NRXN3: variants seen among roughly 807,000 people sequenced by gnomAD.
The protein encoded by NRXN3 is neurexin III.
A neutral mutation model predicts 137.6 loss-of-function variants in NRXN3; 32 were observed. The observed-to-expected ratio is 0.23, with a 90% CI of 0.18 to 0.31. NRXN3 has a LOEUF of 0.31. NRXN3 is among the 10% of genes least tolerant of loss of function. The pLI, the probability that NRXN3 is intolerant of heterozygous loss-of-function variation, is 1.00. For missense variants in NRXN3, 1,574 were observed against 2,062.5 expected (o/e 0.76, Z 4.59); for synonymous variants, 798 against 784.5 (o/e 1.02, Z -0.29).
At chr14:78,338,018 G>A (rs1489105686) in intron 4 of NRXN3, among the ~76,000 whole-genome samples, 1 of 152,084 alleles carries the variant, frequency 6.6e-6, no homozygotes, top group East Asian at 1.9e-4. Context: ...TGGAGAATGG[G>A]GTGTGAGTAT....
intron 2 of NRXN3, among the ~76,000 whole-genome samples, chr14:78,272,105 A>G (rs2072861522): frequency 6.6e-6 from 1 of 151,786 alleles, no homozygotes; most frequent in African/African-American, 2.4e-5. Flanking sequence ...TTTTTCTTCT[A>G]ATGTTATGGC....
chr14:79,570,299 A>G (rs1296564183), intron 16 of NRXN3, among the ~76,000 whole-genome samples: 4 of 152,124 alleles, frequency 2.6e-5, no homozygotes, highest in Non-Finnish European at 4.4e-5. Context: ...GCTGCCTTCT[A>G]TGCTCCCCAA....
chr14:78,726,959 T>TAAAGA (rs2098486854), intron 8 of NRXN3, among the ~76,000 whole-genome samples: 1 of 121,006 alleles, frequency 8.3e-6, no homozygotes, highest in Non-Finnish European at 1.7e-5. Context: ...ATTTATTCAC[T>TAAAGA]AAAAAAAAAA....
At chr14:78,953,026 G>T (rs981176359) in intron 10 of NRXN3, among the ~76,000 whole-genome samples, 1 of 152,096 alleles carries the variant, frequency 6.6e-6, no homozygotes, top group Non-Finnish European at 1.5e-5. Context: ...GTATGTCAGG[G>T]GTAACTTGTA....
chr14:78,197,160 A>G (rs1201171944), intron 1 of NRXN3, among the ~76,000 whole-genome samples: 1 of 152,208 alleles, frequency 6.6e-6, no homozygotes, highest in Non-Finnish European at 1.5e-5. Context: ...TGTGAATACC[A>G]ACGCCAGCAT....
chr14:78,327,009 G>C (rs2080189918), intron 4 of NRXN3, among the ~76,000 whole-genome samples: 1 of 151,834 alleles, frequency 6.6e-6, no homozygotes, highest in Non-Finnish European at 1.5e-5. Context: ...TGTTATGGTT[G>C]TGAGGATTAA....
chr14:79,733,925 A>G (rs950253565), intron 19 of NRXN3, among the ~76,000 whole-genome samples: 1 of 152,162 alleles, frequency 6.6e-6, no homozygotes, highest in Admixed American at 6.5e-5. Flanking sequence ...GCTGGTCCCA[A>G]TGTTGATACA....
chr14:78,325,988 T>G (rs991036645), intron 4 of NRXN3, among the ~76,000 whole-genome samples: 2 of 152,216 alleles, frequency 1.3e-5, no homozygotes, highest in Non-Finnish European at 1.5e-5. Context: ...CTTTTAGCAC[T>G]GAAAGCCCCG....
intron 15 of NRXN3, among the ~76,000 whole-genome samples, chr14:79,216,570 T>C (rs77117371): frequency 0.016 from 2,448 of 152,308 alleles, 61 homozygotes; most frequent in African/African-American, 0.056. Flanking sequence ...TAAAAAATAG[T>C]GTACCTTTAT....
chr14:78,670,006 C>T (rs561260696), intron 6 of NRXN3, among the ~76,000 whole-genome samples: 71 of 152,098 alleles, frequency 4.7e-4, no homozygotes, highest in African/African-American at 1.7e-3. Context: ...GTTATCCCTC[C>T]CCTAGCCCCC....
intron 4 of NRXN3, among the ~76,000 whole-genome samples, chr14:78,471,883 C>T (rs2095281211): frequency 6.6e-6 from 1 of 152,182 alleles, no homozygotes; most frequent in Admixed American, 6.5e-5. Flanking sequence ...AACTGGGCTG[C>T]ACCACAAAGA....
chr14:78,653,335 A>C (rs1160565572), intron 6 of NRXN3, among the ~76,000 whole-genome samples: 2 of 152,192 alleles, frequency 1.3e-5, no homozygotes, highest in Non-Finnish European at 2.9e-5. Context: ...AAACACTGTT[A>C]AATCACACTA....
intron 6 of NRXN3, among the ~76,000 whole-genome samples, chr14:78,661,057 C>T (rs775555836): frequency 2.0e-5 from 3 of 152,080 alleles, no homozygotes; most frequent in Non-Finnish European, 4.4e-5. Context: ...TTTTGAGGAA[C>T]GCTAGTGAAT....
intron 8 of NRXN3, among the ~76,000 whole-genome samples, chr14:78,725,389 C>T (rs1015515600): frequency 1.3e-5 from 2 of 152,272 alleles, no homozygotes; most frequent in Non-Finnish European, 2.9e-5. Flanking sequence ...AGCATCCTTT[C>T]TGGGTCTGAA....
chr14:78,809,113 A>G (rs2098894985), intron 9 of NRXN3, among the ~76,000 whole-genome samples: 1 of 151,996 alleles, frequency 6.6e-6, no homozygotes, highest in Non-Finnish European at 1.5e-5. Context: ...GTCCCCTACT[A>G]TGCCCACTGA....
chr14:78,917,249 A>G (rs773278071), intron 10 of NRXN3, among the ~76,000 whole-genome samples: 4 of 152,212 alleles, frequency 2.6e-5, no homozygotes, highest in Non-Finnish European at 4.4e-5. Flanking sequence ...TATGAAGGTC[A>G]TGATATAAAA....
chr14:79,376,253 TATATATATATATACAC>T (rs2094294571), intron 15 of NRXN3, among the ~76,000 whole-genome samples: 1 of 57,864 alleles, frequency 1.7e-5, no homozygotes, highest in Non-Finnish European at 3.6e-5. Flanking sequence ...TATATATATA[TATATATATATATACAC>T]ATACATATGA....
intron 15 of NRXN3, among the ~76,000 whole-genome samples, chr14:79,161,659 ATC>A (rs1441592111): frequency 6.6e-6 from 1 of 151,896 alleles, no homozygotes; most frequent in African/African-American, 2.4e-5. Flanking sequence ...GAAGCTGAAA[ATC>A]TCTCAGTTGA....
At chr14:79,329,914 C>T (rs1018782685) in intron 15 of NRXN3, among the ~76,000 whole-genome samples, 1 of 150,432 alleles carries the variant, frequency 6.6e-6, no homozygotes. Context: ...GATCTTGGCT[C>T]ACTGCAACCT....
Sources: gnomAD v4.1 joint callset for allele counts (sites outside exome capture counted in the v4.1 genomes callset) on GRCh38, gnomAD v4.1.1 for gene constraint, MANE v1.5 for transcripts, NCBI Gene and HGNC (gene_info 2026-07-23, HGNC 2026-07-21) for gene names.